NRG3: variants seen among roughly 807,000 people sequenced by gnomAD.
NRG3 encodes neuregulin 3.
Under a neutral mutation model 66.9 loss-of-function variants are expected in NRG3, and 31 were observed. The observed-to-expected ratio is 0.46, with a 90% CI of 0.35 to 0.63. The LOEUF (loss-of-function observed/expected upper bound fraction) is 0.63. NRG3 is among the 20% of genes least tolerant of loss of function. The pLI is 0.00. For synonymous variants in NRG3, 393 were observed against 359.4 expected (o/e 1.09, Z -1.06); for missense variants, 910 against 878.9 (o/e 1.04, Z -0.45).
chr10:82,642,063 G>A (rs1210290983), intron 2 of NRG3, among the ~76,000 whole-genome samples: 1 of 152,068 alleles, frequency 6.6e-6, no homozygotes, highest in East Asian at 1.9e-4. Flanking sequence ...ATGTCCACGT[G>A]TGCATATTTT....
rs192758152 is a variant in NRG3, at chr10:82,751,749, T to C, written c.1027+13099T>C. On this transcript the variant is annotated intron_variant, in intron 3 of 8. Transcript: ENST00000372141. Reference sequence around the variant, plus strand: ...AACATCATCAAGACTTATTGTAAGATATAAGAAGAACTAAATTGAGAGATA... The same window carrying C: ...AACATCATCAAGACTTATTGTAAGACATAAGAAGAACTAAATTGAGAGATA... Among the ~76,000 whole-genome samples the C allele has an allele frequency of 2.3e-3, 348 of 152,252 alleles. 1 individual carries two copies. Among genetic ancestry groups the C allele is most frequent in the Non-Finnish European group, 4.0e-3 (274 of 67,996 alleles).
At chr10:82,790,364 A>G (rs919454506) in intron 3 of NRG3, among the ~76,000 whole-genome samples, 1 of 151,822 alleles carries the variant, frequency 6.6e-6, no homozygotes, top group Non-Finnish European at 1.5e-5. Flanking sequence ...CAGTTTCGCT[A>G]TTGGTTTTTT....
At position 82,426,612 on chromosome 10, in the gene NRG3, T is replaced by C. The variant is rs1174335857; in HGVS notation, c.953+67744T>C. ...TCCTCAATGGAATTATTATTATTAT[T>C]ATTATTATTATTATTATTATTATTA... is the stretch of plus-strand genomic sequence containing the variant. On this transcript the variant is annotated intron_variant, in intron 2 of 8. Transcript: ENST00000372141. 3.0e-4 allele frequency among the ~76,000 whole-genome samples: 31 copies of C among 105,066 alleles called. 1 individual carries two copies. Among genetic ancestry groups the C allele is most frequent in the South Asian group, 1.2e-3 (5 of 4,108 alleles). 68.9% of individuals were successfully genotyped at this position (105,066 alleles called of 152,430 possible).
chr10:82,221,375 T>C (rs2075936770), intron 1 of NRG3, among the ~76,000 whole-genome samples: 1 of 152,130 alleles, frequency 6.6e-6, no homozygotes, highest in Admixed American at 6.5e-5. Flanking sequence ...GTTTCAACAT[T>C]TTTCAGATAG....
chr10:82,421,219 T>G (rs1293633729), intron 2 of NRG3, among the ~76,000 whole-genome samples: 1 of 152,160 alleles, frequency 6.6e-6, no homozygotes, highest in Non-Finnish European at 1.5e-5. Flanking sequence ...TGTTGTCATT[T>G]TCCAAAGCTT....
rs182739863 is a variant in NRG3, at chr10:82,273,866, C to A, written c.824-84873C>A. 3.1e-4 allele frequency among the ~76,000 whole-genome samples: 47 copies of A among 151,976 alleles called. No individual in the cohort carries two copies. The East Asian group carries it at 4.1e-3, about 13-fold the overall frequency. On this transcript the variant is annotated intron_variant, in intron 1 of 8. Coordinates refer to ENST00000372141, the MANE Select transcript of NRG3 (RefSeq NM_001010848.4). ...GATGATATTCTTTCATTTCCCCAGCCCCAGAAAGAACAAAGCTTGTAGGCG... is the reference window on the plus strand; with the variant it reads ...GATGATATTCTTTCATTTCCCCAGCACCAGAAAGAACAAAGCTTGTAGGCG...
At chr10:81,922,496 T>C (rs1846352680) in intron 1 of NRG3, among the ~76,000 whole-genome samples, 1 of 152,208 alleles carries the variant, frequency 6.6e-6, no homozygotes, top group Non-Finnish European at 1.5e-5. Flanking sequence ...ACTTATAGTG[T>C]GAACATGCAG....
chr10:82,369,510 G>A (rs537702094), intron 2 of NRG3, among the ~76,000 whole-genome samples: 2 of 137,688 alleles, frequency 1.5e-5, no homozygotes, highest in South Asian at 4.3e-4. Context: ...ATGTGGCCCA[G>A]GCTGGTCACA....
intron 3 of NRG3, among the ~76,000 whole-genome samples, chr10:82,840,483 A>G (rs891155896): frequency 1.3e-5 from 2 of 152,166 alleles, no homozygotes; most frequent in Non-Finnish European, 2.9e-5. Flanking sequence ...TCATAATTCA[A>G]TTGGAGGCTT....
At chr10:82,351,100 T>G (rs2083410934) in intron 1 of NRG3, among the ~76,000 whole-genome samples, 1 of 152,134 alleles carries the variant, frequency 6.6e-6, no homozygotes, top group Non-Finnish European at 1.5e-5. Context: ...TTCACCGTGT[T>G]AGCCAGGATG....
rs183326258 is a variant in NRG3, at chr10:82,446,465, A to G, written c.953+87597A>G. ...GAATACTACACAGCCATAAAAAGGA[A>G]TGAGATCATGTCCTTTACAAGGAGA... On this transcript the variant is annotated intron_variant, in intron 2 of 8. Coordinates refer to ENST00000372141, the MANE Select transcript of NRG3 (RefSeq NM_001010848.4). 1.6e-4 allele frequency among the ~76,000 whole-genome samples: 24 copies of G among 152,316 alleles called. No individual in the cohort carries two copies. The East Asian group carries it at 4.6e-3, about 29-fold the overall frequency.
chr10:82,517,692 TG>T (rs1845818964), intron 2 of NRG3, among the ~76,000 whole-genome samples: 1 of 151,368 alleles, frequency 6.6e-6, no homozygotes, highest in African/African-American at 2.4e-5. Flanking sequence ...TGTGTGTGTG[TG>T]TGTCTGTATG....
intron 3 of NRG3, among the ~76,000 whole-genome samples, chr10:82,759,738 A>C (rs2059227299): frequency 1.3e-5 from 2 of 152,172 alleles, no homozygotes; most frequent in Non-Finnish European, 2.9e-5. Flanking sequence ...CAAGTGTTTG[A>C]GACAAAGAAG....
intron 1 of NRG3, among the ~76,000 whole-genome samples, chr10:82,052,980 T>TTTTATTAATTCATTATTAATAAAA (rs562873794): frequency 6.6e-6 from 1 of 152,130 alleles, no homozygotes; most frequent in Non-Finnish European, 1.5e-5. Context: ...AGACTAATTA[T>TTTTATTAATTCATTATTAATAAAA]TTTATTAATT....
In NRG3 at chr10:82,548,539, A is replaced by T. The variant is rs577023346; in HGVS notation, c.953+189671A>T. 3.8e-3 allele frequency among the ~76,000 whole-genome samples: 582 copies of T among 151,574 alleles called. 4 individuals are homozygous for T. The highest frequency in any genetic ancestry group is 0.014 in the African/African-American group (565 of 41,228). ...TTCTGTCTCTCACACACACACACACACACACACACACACACACACACGCAC... is the reference window on the plus strand; with the variant it reads ...TTCTGTCTCTCACACACACACACACTCACACACACACACACACACACGCAC... On this transcript the variant is annotated intron_variant, in intron 2 of 8. Coordinates refer to ENST00000372141, the MANE Select transcript of NRG3 (RefSeq NM_001010848.4).
intron 2 of NRG3, among the ~76,000 whole-genome samples, chr10:82,640,936 T>A (rs540585511): frequency 7.9e-5 from 12 of 152,082 alleles, no homozygotes; most frequent in African/African-American, 1.4e-4. Flanking sequence ...ATAGGAATTG[T>A]TGCAGTAATT....
chr10:82,399,115 C>T (rs12265287), intron 2 of NRG3, among the ~76,000 whole-genome samples: 62,649 of 151,974 alleles, frequency 0.41, 15,995 homozygotes, highest in African/African-American at 0.72. Context: ...GAATACATGC[C>T]TCCTTTTTAG....
rs1309208395 is a variant in NRG3, at chr10:82,461,315, A to T, written c.953+102447A>T. ...AACTATCATCATTGCTATCATCAAC[A>T]CCATCACCACCACCACCACCATCAC... On this transcript the variant is annotated intron_variant, in intron 2 of 8. Coordinates refer to ENST00000372141, the MANE Select transcript of NRG3 (RefSeq NM_001010848.4). Among the ~76,000 whole-genome samples the T allele has an allele frequency of 2.6e-5, 4 of 151,976 alleles. No individual in the cohort carries two copies. In the East Asian group the frequency reaches 7.7e-4, roughly 29 times the overall value.
chr10:82,558,650 A>T (rs187262208), intron 2 of NRG3, among the ~76,000 whole-genome samples: 2 of 152,232 alleles, frequency 1.3e-5, no homozygotes, highest in African/African-American at 4.8e-5. Context: ...AATAAGATGC[A>T]TGACAACTCA....
Sources: allele counts gnomAD v4.1 joint callset (sites outside exome capture counted in the v4.1 genomes callset), GRCh38; gene constraint gnomAD v4.1.1; transcripts MANE v1.5; gene names NCBI Gene and HGNC (gene_info 2026-07-23, HGNC 2026-07-21).